Variants in ASTN2 observed in about 807,000 individuals in gnomAD.
ASTN2 encodes the protein astrotactin 2.
ASTN2 carries 54 observed loss-of-function variants against 139.8 expected under a neutral mutation model. The observed-to-expected ratio is 0.39, with a 90% CI of 0.31 to 0.48. The LOEUF (loss-of-function observed/expected upper bound fraction) is 0.48, where lower values mean the gene tolerates loss of function less well. ASTN2 is among the 20% of genes least tolerant of loss of function. The pLI is 0.95. For missense variants in ASTN2, 1,565 were observed against 1,725.1 expected, an observed-to-expected ratio of 0.91 and a Z score of 1.64; for synonymous variants, 756 against 719.5, an observed-to-expected ratio of 1.05 and a Z score of -0.81.
intron 10 of ASTN2, among the ~76,000 whole-genome samples, chr9:116,896,959 A>C (rs1006262476): frequency 6.6e-6 from 1 of 152,184 alleles, no homozygotes; most frequent in East Asian, 1.9e-4. Context: ...CCAGGTGGGC[A>C]ACAAGAACTC....
Position 116,425,968 on chromosome 9 carries a change from C to T in ASTN2, c.3903G>A (p.Glu1301=), listed in dbSNP as rs772798952. The change falls in exon 23 of 23, where the codon GAG becomes GAA. Residue 1301 remains glutamate (E), a synonymous_variant. Coordinates refer to ENST00000313400, the MANE Select transcript of ASTN2 (RefSeq NM_001365068.1). The part of the protein sequence containing the change: ...ETVPYLFCRS[E]EVRPAGMVWY... The stretch of plus-strand genomic sequence containing the variant: ...ACACCATGCCTGCAGGCCGGACCTC[C>T]TCGCTGCGGCAGAAAAGATAGGGCA... The T allele has an allele frequency of 1.2e-6, 2 of 1,614,190 alleles. No individual in the cohort carries two copies. Among genetic ancestry groups the T allele is most frequent in the South Asian group, 2.2e-5 (2 of 91,082 alleles).
chr9:117,364,320 T>C (rs1173429524), intron 1 of ASTN2, among the ~76,000 whole-genome samples: 2 of 152,172 alleles, frequency 1.3e-5, no homozygotes, highest in Non-Finnish European at 2.9e-5. Context: ...CTCTTAGAAC[T>C]CATCATGAAG....
At chr9:117,335,175 T>C (rs1828844134) in intron 1 of ASTN2, among the ~76,000 whole-genome samples, 1 of 152,222 alleles carries the variant, frequency 6.6e-6, no homozygotes, top group African/African-American at 2.4e-5. Flanking sequence ...ATTCCATCAC[T>C]TGTATATTTA....
chr9:116,530,929 C>T (rs1002855073), intron 19 of ASTN2, among the ~76,000 whole-genome samples: 1 of 152,122 alleles, frequency 6.6e-6, no homozygotes, highest in Non-Finnish European at 1.5e-5. Flanking sequence ...TAGGACAGAG[C>T]ATGACATGCA....
In ASTN2 at chr9:116,425,873, T is replaced by C. The variant is rs769284854; in HGVS notation, c.3998A>G (p.Tyr1333Cys). 3.1e-6 allele frequency: 5 copies of C among 1,614,052 alleles called. No individual in the cohort carries two copies. The highest frequency in any genetic ancestry group is 1.3e-5 in the African/African-American group (1 of 74,922). ...CCCTCACCGGCCCTTGGACTCCCCG[T>C]ACGTGTTTCGGGCCATTGACACCAT... ...EKMVSMARNT[Y>C]GESKGR is the part of the protein sequence containing the mutation. The change falls in exon 23 of 23, where the codon TAC becomes TGC. Residue 1333 changes from tyrosine to cysteine, a missense_variant. Transcript: ENST00000313400.
intron 10 of ASTN2, among the ~76,000 whole-genome samples, chr9:116,864,053 C>G (rs1832959606): frequency 6.6e-6 from 1 of 152,054 alleles, no homozygotes; most frequent in Non-Finnish European, 1.5e-5. Context: ...TTGCTGAAGG[C>G]CAGCAGCTTA....
chr9:117,244,854 C>T (rs1180285242), intron 2 of ASTN2, among the ~76,000 whole-genome samples: 1 of 151,994 alleles, frequency 6.6e-6, no homozygotes, highest in African/African-American at 2.4e-5. Flanking sequence ...CACTGTGAAG[C>T]TGCTATACCA....
intron 13 of ASTN2, among the ~76,000 whole-genome samples, chr9:116,763,119 G>A (rs999355214): frequency 2.0e-5 from 3 of 152,066 alleles, no homozygotes; most frequent in African/African-American, 7.2e-5. Flanking sequence ...AATAATCATG[G>A]CTTCAGTGGC....
intron 10 of ASTN2, among the ~76,000 whole-genome samples, chr9:116,892,502 A>G (rs1833785898): frequency 6.6e-6 from 1 of 152,130 alleles, no homozygotes; most frequent in African/African-American, 2.4e-5. Flanking sequence ...TGGTTGCTGG[A>G]AGCTCTGAGA....
At chr9:117,100,577 CA>C (rs1473834400) in intron 4 of ASTN2, among the ~76,000 whole-genome samples, 1 of 152,166 alleles carries the variant, frequency 6.6e-6, no homozygotes, top group African/African-American at 2.4e-5. Flanking sequence ...TACAGCACAT[CA>C]CAATACAGAC....
At chr9:117,407,723 A>G (rs561594389) in intron 1 of ASTN2, among the ~76,000 whole-genome samples, 2 of 152,316 alleles carry the variant, frequency 1.3e-5, no homozygotes, top group Admixed American at 6.5e-5. Flanking sequence ...AAAGGAGAGA[A>G]CAAGTGCTAG....
At chr9:116,452,677 G>A (rs531839168) in intron 20 of ASTN2, among the ~76,000 whole-genome samples, 14 of 152,334 alleles carry the variant, frequency 9.2e-5, no homozygotes, top group African/African-American at 2.4e-4. Context: ...CAAGGCTACA[G>A]ATATAGTAGT....
chr9:117,182,228 C>T (rs1409008730), intron 3 of ASTN2, among the ~76,000 whole-genome samples: 2 of 146,578 alleles, frequency 1.4e-5, no homozygotes, highest in Non-Finnish European at 3.0e-5. Context: ...GTACTGCATG[C>T]CTTCCAAAAA....
chr9:116,439,193 CAT>C (rs1491384745), intron 22 of ASTN2, among the ~76,000 whole-genome samples: 1,788 of 102,652 alleles, frequency 0.017, 85 homozygotes, highest in African/African-American at 0.064. Context: ...TATTCAAATA[CAT>C]TTTTTTTTTT....
intron 1 of ASTN2, among the ~76,000 whole-genome samples, chr9:117,406,917 G>C (rs1831012082): frequency 1.3e-5 from 2 of 148,538 alleles, no homozygotes; most frequent in African/African-American, 5.0e-5. Flanking sequence ...AGGGATAAAA[G>C]CTCTCTGAAT....
At chr9:116,845,226 C>T (rs1379157507) in intron 11 of ASTN2, among the ~76,000 whole-genome samples, 3 of 152,146 alleles carry the variant, frequency 2.0e-5, no homozygotes, top group Admixed American at 6.5e-5. Flanking sequence ...GCCATTCTCC[C>T]GCCTCAGCCT....
intron 17 of ASTN2, among the ~76,000 whole-genome samples, chr9:116,636,197 C>A (rs1271383818): frequency 6.6e-6 from 1 of 152,122 alleles, no homozygotes; most frequent in Non-Finnish European, 1.5e-5. Context: ...TTTAGCCACT[C>A]AAAAGTTATG....
At chr9:116,951,772 C>T (rs1835570808) in intron 10 of ASTN2, among the ~76,000 whole-genome samples, 1 of 152,144 alleles carries the variant, frequency 6.6e-6, no homozygotes, top group South Asian at 2.1e-4. Flanking sequence ...AGGTAACATT[C>T]CCCAAACACA....
intron 10 of ASTN2, among the ~76,000 whole-genome samples, chr9:116,943,034 C>T (rs3860180): frequency 0.021 from 3,202 of 152,254 alleles, 120 homozygotes; most frequent in African/African-American, 0.074. Flanking sequence ...GAAGTTATTA[C>T]GTGTTTGAGT....
Sources: gnomAD v4.1 joint callset for allele counts (sites outside exome capture counted in the v4.1 genomes callset) on GRCh38, gnomAD v4.1.1 for gene constraint, MANE v1.5 for transcripts, NCBI Gene and HGNC (gene_info 2026-07-23, HGNC 2026-07-21) for gene names.